The following RIN2 variants were observed in gnomAD, a reference collection of about 807,000 sequenced individuals.
RIN2 encodes the protein RAB5 interacting protein 2.
Under a neutral mutation model 78.0 loss-of-function variants are expected in RIN2, and 36 were observed. The ratio of observed to expected loss-of-function variants is 0.46; its 90% CI spans 0.35 to 0.61. RIN2 has a LOEUF of 0.61. RIN2 is among the 20% of genes least tolerant of loss of function. The probability of loss-of-function intolerance (pLI) is 0.00; values close to 1 mark genes in which losing one functional copy is unlikely to be tolerated. For missense variants in RIN2, 1,087 were observed against 1,159.7 expected, an observed-to-expected ratio of 0.94 and a Z score of 0.91; for synonymous variants, 466 against 466.8, an observed-to-expected ratio of 1.00 and a Z score of 0.02.
chr20:19,849,590 T>G (rs1350463733), intron 2 of RIN2, among the ~76,000 whole-genome samples: 3 of 152,194 alleles, frequency 2.0e-5, no homozygotes, highest in South Asian at 2.1e-4. Flanking sequence ...AAAGCCACAT[T>G]TGAGGCATGA....
intron 6 of RIN2, among the ~76,000 whole-genome samples, chr20:19,962,314 A>G (rs568137461): frequency 7.2e-6 from 1 of 139,074 alleles, no homozygotes; most frequent in Non-Finnish European, 1.5e-5. Context: ...CAAAAATATT[A>G]AAAAAAAAAA....
chr20:19,883,691 G>A (rs73124270), intron 2 of RIN2, among the ~76,000 whole-genome samples: 1,981 of 152,108 alleles, frequency 0.013, 17 homozygotes, highest in Middle Eastern at 0.031. Flanking sequence ...TGTTGCCCTC[G>A]GGTGGTCACA....
chr20:19,868,266 G>A (rs571658445), intron 2 of RIN2, among the ~76,000 whole-genome samples: 13 of 152,366 alleles, frequency 8.5e-5, no homozygotes, highest in Admixed American at 4.6e-4. Flanking sequence ...GGGCAGCAGC[G>A]TCTCGGAGAA....
chr20:19,865,569 C>A (rs1033724560), intron 2 of RIN2, among the ~76,000 whole-genome samples: 1 of 150,498 alleles, frequency 6.6e-6, no homozygotes, highest in East Asian at 2.0e-4. Context: ...CTCACTGCAG[C>A]CTCAAACTCC....
intron 2 of RIN2, among the ~76,000 whole-genome samples, chr20:19,814,932 G>A (rs2035717825): frequency 6.6e-6 from 1 of 151,936 alleles, no homozygotes; most frequent in East Asian, 1.9e-4. Flanking sequence ...GGCCATTTCT[G>A]GTGTTAGAAT....
At chr20:19,763,007 C>T (rs886348692) in intron 1 of RIN2, among the ~76,000 whole-genome samples, 3 of 152,102 alleles carry the variant, frequency 2.0e-5, no homozygotes, top group African/African-American at 7.2e-5. Context: ...TCGGGTAATC[C>T]ACCCACCTTG....
At position 19,859,110 on chromosome 20, in the gene RIN2, G is replaced by T. The variant is rs975819885; in HGVS notation, c.-36-30456G>T. Among the ~76,000 whole-genome samples, 87 of 152,326 alleles carry T rather than the reference G, an allele frequency of 5.7e-4. 1 individual carries two copies. The highest frequency in any genetic ancestry group is 3.2e-4 in the Non-Finnish European group (22 of 68,030). On this transcript the variant is annotated intron_variant, in intron 2 of 12. Coordinates refer to ENST00000255006, the MANE Select transcript of RIN2 (RefSeq NM_018993.4). ...CTTCCATGCCAGGCCCTTCCAGGGG[G>T]TCATACTTAGAATGTTGGGACTACA...
At chr20:19,853,082 T>A (rs1265397202) in intron 2 of RIN2, among the ~76,000 whole-genome samples, 1 of 140,772 alleles carries the variant, frequency 7.1e-6, no homozygotes, top group African/African-American at 2.7e-5. Flanking sequence ...CCTTCCTGTG[T>A]CCATGTGTTC....
intron 3 of RIN2, among the ~76,000 whole-genome samples, chr20:19,909,930 G>A (rs1568598992): frequency 6.6e-6 from 1 of 152,146 alleles, no homozygotes; most frequent in Non-Finnish European, 1.5e-5. Context: ...TCTTGAGCAG[G>A]AAAAGGTGGG....
rs555805677 is a variant in RIN2 at position 20,000,899 on chromosome 20, T to G, written c.2651T>G (p.Ile884Ser). 1 of 1,613,154 alleles carries G rather than the reference T, an allele frequency of 6.2e-7. No homozygotes were observed. The highest frequency in any genetic ancestry group is 8.5e-7 in the Non-Finnish European group (1 of 1,179,378). Residue 884 changes from isoleucine (I) to serine (S), a missense_variant, in exon 13 of 13, where the codon ATT (isoleucine) becomes AGT (serine). This residue lies in a region of RIN2 where 160 missense variants were observed against 179.4 expected (regional missense o/e 0.89). Transcript: ENST00000255006. ...ATCAAGAACGATCCTTATGGCATCA[T>G]TTTCCAGAACGGGGAAGAAGACCTC... ...KRIKNDPYGI[I>S]FQNGEEDLTT...
chr20:19,761,907 C>G (rs1433388822), intron 1 of RIN2, among the ~76,000 whole-genome samples: 2 of 152,202 alleles, frequency 1.3e-5, no homozygotes, highest in Non-Finnish European at 2.9e-5. Flanking sequence ...TCAAACGCAG[C>G]TCTGTAGATG....
intron 12 of RIN2, among the ~76,000 whole-genome samples, chr20:19,999,479 C>G (rs1288320088): frequency 6.6e-6 from 1 of 152,202 alleles, no homozygotes; most frequent in Non-Finnish European, 1.5e-5. Flanking sequence ...TTGCAGGCAC[C>G]TGGGCAGAGA....
intron 7 of RIN2, among the ~76,000 whole-genome samples, chr20:19,966,204 G>A (rs538551531): frequency 5.0e-4 from 76 of 152,230 alleles, no homozygotes; most frequent in African/African-American, 1.7e-3. Context: ...GCTAACACAC[G>A]TATAGGCTGG....
chr20:19,801,695 C>T lies in RIN2; in HGVS notation c.-37+1948C>T, dbSNP rs138212501. 3.5e-3 allele frequency among the ~76,000 whole-genome samples: 538 copies of T among 152,312 alleles called. 14 individuals are homozygous for T. The South Asian group carries it at 0.044, about 13-fold the overall frequency. ...GAAGGCCCGGGATTGGTCTGTCTTT[C>T]CTATTCTTCACCTCTTTTCTTCTAG... On this transcript the variant is annotated intron_variant, in intron 2 of 12. Coordinates refer to ENST00000255006, the MANE Select transcript of RIN2 (RefSeq NM_018993.4).
chr20:19,867,684 A>G (rs927283), intron 2 of RIN2, among the ~76,000 whole-genome samples: 130,958 of 152,222 alleles, frequency 0.86, 56,476 homozygotes, highest in East Asian at 0.94. Flanking sequence ...CCTCAGTCCC[A>G]GATATCAGGA....
chr20:19,990,072 T>C lies in RIN2; in HGVS notation c.1829T>C (p.Met610Thr), dbSNP rs189636981. ...CCCCTCAAGGGGCACGTGGAGGCCA[T>C]GCTGAAGGACTTTCACATGGCCGAT... ...LKPLKGHVEA[M>T]LKDFHMADGS... Residue 610 changes from methionine (M) to threonine (T), a missense_variant, in exon 10 of 13, where the codon ATG (methionine) becomes ACG (threonine). By Grantham distance (81) the Met-to-Thr change is moderately conservative. Around this residue, in one of 8 missense-constraint regions of RIN2, gnomAD observed 97 missense variants for 104.8 expected, o/e 0.93. Coordinates refer to ENST00000255006, the MANE Select transcript of RIN2 (RefSeq NM_018993.4). 1.9e-6 allele frequency: 3 copies of C among 1,599,110 alleles called. No homozygotes were observed. In the East Asian group the frequency reaches 6.8e-5, roughly 36 times the overall value.
intron 9 of RIN2, among the ~76,000 whole-genome samples, chr20:19,983,543 A>G (rs1300561487): frequency 1.1e-4 from 17 of 151,812 alleles, no homozygotes; most frequent in Admixed American, 7.9e-4. Context: ...CTTCCCTACA[A>G]AAAAAAGGCC....
chr20:19,846,836 T>G (rs1351842528), intron 2 of RIN2, among the ~76,000 whole-genome samples: 1 of 152,216 alleles, frequency 6.6e-6, no homozygotes, highest in Admixed American at 6.5e-5. Flanking sequence ...GCCCATTCAG[T>G]ATGATATTGG....
intron 3 of RIN2, among the ~76,000 whole-genome samples, chr20:19,893,449 T>C (rs1423815198): frequency 6.6e-6 from 1 of 152,216 alleles, no homozygotes; most frequent in East Asian, 1.9e-4. Flanking sequence ...GGACCTCTTT[T>C]TCATCATTAT....
Sources: gnomAD v4.1 joint callset for allele counts (sites outside exome capture counted in the v4.1 genomes callset) on GRCh38, gnomAD v4.1.1 for gene constraint, gnomAD v4.1.1 regional missense constraint, MANE v1.5 for transcripts, NCBI Gene and HGNC (gene_info 2026-07-23, HGNC 2026-07-21) for gene names.